GOPC: variants seen among roughly 807,000 people sequenced by gnomAD.
GOPC encodes Golgi-associated PDZ and coiled-coil motif-containing protein.
Under a neutral mutation model 51.2 loss-of-function variants are expected in GOPC, and 32 were observed. The observed-to-expected ratio is 0.63, with a 90% confidence interval of 0.47 to 0.84. The LOEUF (loss-of-function observed/expected upper bound fraction) is 0.84, where lower values mean the gene tolerates loss of function less well. Ranked by LOEUF, GOPC falls within the 40% of genes least tolerant of loss-of-function variation. GOPC has a pLI of 0.00. For synonymous variants in GOPC, 190 were observed against 205.1 expected (o/e 0.93, Z 0.63); for missense variants, 441 against 555.5 (o/e 0.79, Z 2.07).
chr6:117,563,956 C>A, intron 8 of GOPC, among the ~76,000 whole-genome samples: 1 of 150,692 alleles, frequency 6.6e-6, no homozygotes. Context: ...AGTTTCCTAT[C>A]AAGTTTTCCT....
intron 1 of GOPC, among the ~76,000 whole-genome samples, chr6:117,590,818 AAC>A (rs1780105265): frequency 6.6e-6 from 1 of 151,584 alleles, no homozygotes; most frequent in South Asian, 2.1e-4. Context: ...ATTGGTATTT[AAC>A]ACATCAGTTC....
Position 117,602,114 on chromosome 6 carries a change from G to A in GOPC, c.175C>T (p.Gln59Ter). 1 of 1,614,114 alleles carries A rather than the reference G, an allele frequency of 6.2e-7. No individual in the cohort carries two copies. Among genetic ancestry groups the A allele is most frequent in the Non-Finnish European group, 8.5e-7 (1 of 1,180,018 alleles). Residue 59 changes from glutamine to a stop codon, truncating the protein, a stop_gained, in exon 1 of 9, where the codon CAA (glutamine) becomes TAA (stop). Coordinates refer to ENST00000368498, the MANE Select transcript of GOPC (RefSeq NM_020399.4). LOFTEE classifies it high-confidence loss of function. The stretch of plus-strand genomic sequence containing the variant: ...CGCCCCTCATAAGTGATGTCCGCTT[G>A]GTCTGGATCGATCTCTCCCAGGAGC... ...DLLLGEIDPD[Q>*]ADITYEGRQK...
At chr6:117,568,351 C>T (rs994728764) in intron 7 of GOPC, among the ~76,000 whole-genome samples, 3 of 152,310 alleles carry the variant, frequency 2.0e-5, no homozygotes, top group South Asian at 4.1e-4. Flanking sequence ...AAAGAAAACA[C>T]GGCATTTTTG....
rs1338566228 is a variant in GOPC, at chr6:117,560,725, T to G, written c.*2529A>C. The G allele has an allele frequency of 4.9e-6, 1 of 202,414 alleles. No homozygotes were observed. Among genetic ancestry groups the G allele is most frequent in the Non-Finnish European group, 1.0e-5 (1 of 98,424 alleles). The allele number at this position is 202,414 out of a possible 1,614,324, so 12.5% of individuals were successfully genotyped here. On this transcript the variant is annotated 3_prime_UTR_variant, in exon 9 of 9. Transcript: ENST00000368498. ...TAACAGAGATACTGTAGAAGAGAAT[T>G]TTAGAGGTTAAGTGTAAATATATAC...
intron 1 of GOPC, among the ~76,000 whole-genome samples, chr6:117,596,286 T>G (rs1780196590): frequency 1.3e-5 from 2 of 152,186 alleles, no homozygotes; most frequent in African/African-American, 4.8e-5. Context: ...TTGTAGAGTC[T>G]GGATATTAGT....
At chr6:117,564,554 T>C (rs1779654977) in intron 8 of GOPC, among the ~76,000 whole-genome samples, 1 of 152,210 alleles carries the variant, frequency 6.6e-6, no homozygotes. Flanking sequence ...TTAGGTGATA[T>C]ATATATCTAT....
chr6:117,566,128 A>T (rs2114602193), intron 8 of GOPC, among the ~76,000 whole-genome samples: 1 of 152,320 alleles, frequency 6.6e-6, no homozygotes, highest in African/African-American at 2.4e-5. Flanking sequence ...AGTATTAGCA[A>T]CACTGCCTTG....
chr6:117,568,566 G>A (rs538543996), intron 7 of GOPC, among the ~76,000 whole-genome samples: 4 of 152,160 alleles, frequency 2.6e-5, no homozygotes, highest in Admixed American at 1.3e-4. Flanking sequence ...AGAGAATAGC[G>A]TAGCATTCTT....
intron 1 of GOPC, among the ~76,000 whole-genome samples, chr6:117,596,559 G>A (rs1455072064): frequency 6.6e-6 from 1 of 152,074 alleles, no homozygotes; most frequent in Non-Finnish European, 1.5e-5. Flanking sequence ...ATCTTGAGTT[G>A]ATTTTTATAT....
chr6:117,585,587 G>A (rs575945558), intron 1 of GOPC, among the ~76,000 whole-genome samples: 2 of 152,108 alleles, frequency 1.3e-5, no homozygotes, highest in Non-Finnish European at 2.9e-5. Context: ...CAAATTGCAT[G>A]GTATTAAAAC....
intron 2 of GOPC, 76 bp from the exon 3 acceptor site, chr6:117,577,547 T>C (rs1779900984): frequency 1.7e-6 from 2 of 1,178,500 alleles, no homozygotes; most frequent in African/African-American, 1.6e-5. Flanking sequence ...ATAGTCATTA[T>C]AAGGAAAAAT....
At chr6:117,566,657 C>G (rs1779703246) in intron 8 of GOPC, among the ~76,000 whole-genome samples, 197 bp downstream of exon 8, 1 of 151,930 alleles carries the variant, frequency 6.6e-6, no homozygotes, top group Non-Finnish European at 1.5e-5. Context: ...TCTTAACAGT[C>G]CAAGATGAAT....
At chr6:117,585,588 G>T (rs1019065486) in intron 1 of GOPC, among the ~76,000 whole-genome samples, 60 of 152,152 alleles carry the variant, frequency 3.9e-4, no homozygotes, top group African/African-American at 1.4e-3. Flanking sequence ...AAATTGCATG[G>T]TATTAAAACT....
At chr6:117,575,586 G>A (rs528521394) in intron 3 of GOPC, 8 of 703,772 alleles carry the variant, frequency 1.1e-5, no homozygotes, top group Non-Finnish European at 1.6e-5. Flanking sequence ...AGTAAGAAAA[G>A]TAGTCTACTC....
chr6:117,577,490 A>G lies in GOPC; in HGVS notation c.451-19T>C. The G allele has an allele frequency of 1.3e-6, 2 of 1,582,152 alleles. No homozygotes were observed. The highest frequency in any genetic ancestry group is 1.7e-6 in the Non-Finnish European group (2 of 1,161,156). Reference sequence around the variant, plus strand: ...GGCCAGACTTCAGATATAAGAAAAAAGTTTTATAATTAGAAAAAGATCAAA... The same window carrying G: ...GGCCAGACTTCAGATATAAGAAAAAGGTTTTATAATTAGAAAAAGATCAAA... On this transcript the variant is annotated intron_variant, in intron 2 of 8. Coordinates refer to ENST00000368498, the MANE Select transcript of GOPC (RefSeq NM_020399.4).
chr6:117,582,265 TC>T lies in GOPC; in HGVS notation c.286-3202del, dbSNP rs1779969247. ...CACTCTCTCCCTCCCTCCCTCTGCC[TC>T]CCCCCCTACACACACACACACACAC... On this transcript the variant is annotated intron_variant, in intron 1 of 8. Transcript: ENST00000368498. Among the ~76,000 whole-genome samples the T allele has an allele frequency of 3.0e-5, 3 of 100,826 alleles. No individual in the cohort carries two copies. In the South Asian group the frequency reaches 1.2e-3, roughly 39 times the overall value. The allele number at this position is 100,826 out of a possible 152,430, so 66.1% of individuals were successfully genotyped here.
chr6:117,598,212 T>A (rs9401013), intron 1 of GOPC, among the ~76,000 whole-genome samples: 77,825 of 143,896 alleles, frequency 0.54, 21,536 homozygotes, highest in East Asian at 0.79. Context: ...AAAAAAAAAA[T>A]AAAATAGAAA....
At chr6:117,563,638 C>T (rs1250466634) in intron 8 of GOPC, among the ~76,000 whole-genome samples, 1 of 151,826 alleles carries the variant, frequency 6.6e-6, no homozygotes, top group Non-Finnish European at 1.5e-5. Context: ...AGGAGAATCA[C>T]TTGAAGCCAG....
chr6:117,561,299 G>T lies in GOPC; in HGVS notation c.*1955C>A, dbSNP rs1779579787. 4.5e-6 allele frequency: 1 copy of T among 224,016 alleles called. No individual in the cohort carries two copies. The allele number at this position is 224,016 out of a possible 1,614,324, so 13.9% of individuals were successfully genotyped here. Reference sequence around the variant, plus strand: ...CACCTCTTCATACACTTATTCGGTAGTTCTTGAAAATCAAAGGGTTATAGC... The same window carrying T: ...CACCTCTTCATACACTTATTCGGTATTTCTTGAAAATCAAAGGGTTATAGC... On this transcript the variant is annotated 3_prime_UTR_variant, in exon 9 of 9. Coordinates refer to ENST00000368498, the MANE Select transcript of GOPC (RefSeq NM_020399.4).
Sources: gnomAD v4.1 joint callset for allele counts (sites outside exome capture counted in the v4.1 genomes callset) on GRCh38, gnomAD v4.1.1 for gene constraint, MANE v1.5 for transcripts, NCBI Gene and HGNC (gene_info 2026-07-23, HGNC 2026-07-21) for gene names.